RNF24: variants seen among roughly 807,000 people sequenced by gnomAD.
RNF24 encodes ring finger protein 24.
In RNF24, 14 loss-of-function variants were observed where a neutral mutation model predicts 20.0. The observed-to-expected ratio is 0.70, with a 90% confidence interval of 0.46 to 1.10. The LOEUF is 1.10. Ranked by LOEUF, RNF24 falls within the 50% of genes least tolerant of loss-of-function variation. The probability of loss-of-function intolerance (pLI) is 0.00; values close to 1 mark genes in which losing one functional copy is unlikely to be tolerated. For missense variants in RNF24, 124 were observed against 177.6 expected (o/e 0.70, Z 1.71); for synonymous variants, 45 against 61.1 (o/e 0.74, Z 1.23).
At chr20:3,990,362 T>C (rs1341344109) in intron 1 of RNF24, among the ~76,000 whole-genome samples, 2 of 152,156 alleles carry the variant, frequency 1.3e-5, no homozygotes, top group African/African-American at 4.8e-5. Flanking sequence ...AGCAAAATTA[T>C]ACATGCACTT....
At position 3,927,580 on chromosome 20, in the gene RNF24, A is replaced by G. The variant is rs2090741918; in HGVS notation, c.*6483T>C. The G allele has an allele frequency of 6.6e-6, 1 of 152,172 alleles. No individual in the cohort carries two copies. Among genetic ancestry groups the G allele is most frequent in the Non-Finnish European group, 1.5e-5 (1 of 68,024 alleles). 9.4% of individuals were successfully genotyped at this position (152,172 alleles called of 1,614,324 possible). On this transcript the variant is annotated 3_prime_UTR_variant, in exon 6 of 6. Transcript: ENST00000358395. Reference sequence around the variant, plus strand: ...AGTGAGGAAACCCGAGGGCCAAACTACAAGACGAAAAAGTGCCCCGTTCCT... The same window carrying G: ...AGTGAGGAAACCCGAGGGCCAAACTGCAAGACGAAAAAGTGCCCCGTTCCT...
At chr20:3,953,489 G>A (rs2091106086) in intron 2 of RNF24, among the ~76,000 whole-genome samples, 1 of 144,734 alleles carries the variant, frequency 6.9e-6, no homozygotes, top group Non-Finnish European at 1.5e-5. Context: ...TTTTGAGACG[G>A]AGTCTTGCTC....
At chr20:3,976,051 T>G (rs1174895031) in intron 1 of RNF24, among the ~76,000 whole-genome samples, 2 of 152,312 alleles carry the variant, frequency 1.3e-5, no homozygotes, top group East Asian at 3.9e-4. Flanking sequence ...CTTCCCAAAG[T>G]GTTGGGATTA....
Position 3,928,068 on chromosome 20 carries a change from T to C in RNF24, c.*5995A>G, listed in dbSNP as rs1378603236. On this transcript the variant is annotated 3_prime_UTR_variant, in exon 6 of 6. Coordinates refer to ENST00000358395, the MANE Select transcript of RNF24 (RefSeq NM_001134337.3). ...AGCACATGGGGATCCCTTATTAATC[T>C]TTACTAAAGAACCGTGAACCAGCAT... is the stretch of plus-strand genomic sequence containing the variant. The C allele has an allele frequency of 6.6e-6, 1 of 152,180 alleles. No individual in the cohort carries two copies. The highest frequency in any genetic ancestry group is 2.4e-5 in the African/African-American group (1 of 41,448). 9.4% of individuals were successfully genotyped at this position (152,180 alleles called of 1,614,324 possible).
chr20:3,936,071 T>C (rs1035577425), intron 4 of RNF24, among the ~76,000 whole-genome samples: 3 of 152,234 alleles, frequency 2.0e-5, no homozygotes, highest in African/African-American at 7.2e-5. Context: ...CCAGTCTTCT[T>C]AGATTATGTA....
At chr20:3,959,657 C>CA (rs1471054238) in intron 2 of RNF24, among the ~76,000 whole-genome samples, 2 of 152,074 alleles carry the variant, frequency 1.3e-5, no homozygotes, top group Non-Finnish European at 2.9e-5. Flanking sequence ...GGGTTAATAA[C>CA]AAAAAATCAG....
Position 3,934,271 on chromosome 20 carries a change from T to C in RNF24, c.309-70A>G, listed in dbSNP as rs1173958518. The C allele has an allele frequency of 6.8e-7, 1 of 1,480,274 alleles. No individual in the cohort carries two copies. The highest frequency in any genetic ancestry group is 2.0e-5 in the Admixed American group (1 of 50,818). 91.7% of individuals were successfully genotyped at this position (1,480,274 alleles called of 1,614,324 possible). A position where few individuals can be genotyped will look rare whatever the true frequency, so the allele number is the denominator to read the frequency against. ...CATGGCACGGCTGTTCTGCTGAACA[T>C]CTCCATATCTGTCACCCAGACAACG... On this transcript the variant is annotated intron_variant, in intron 5 of 5. Coordinates refer to ENST00000358395, the MANE Select transcript of RNF24 (RefSeq NM_001134337.3). This position sits in a 1 kb window ranked among gnomAD's most constrained non-coding sequence, Gnocchi z 4.0.
chr20:3,945,250 A>C, intron 3 of RNF24, 32 bp from the exon 4 acceptor site: 1 of 1,549,586 alleles, frequency 6.5e-7, no homozygotes, highest in Non-Finnish European at 8.7e-7. Flanking sequence ...TCTTATGCCC[A>C]TTTAAATCTG....
intron 1 of RNF24, among the ~76,000 whole-genome samples, chr20:3,977,844 AC>A (rs1979011470): frequency 6.8e-6 from 1 of 147,834 alleles, no homozygotes; most frequent in Non-Finnish European, 1.5e-5. Context: ...AGCCTGGGCG[AC>A]ACAGCGAGAC....
At chr20:3,971,155 G>T (rs1271061668) in intron 1 of RNF24, among the ~76,000 whole-genome samples, 1 of 152,066 alleles carries the variant, frequency 6.6e-6, no homozygotes, top group Non-Finnish European at 1.5e-5. Context: ...ACCATTGGGG[G>T]AAATAATATG....
intron 3 of RNF24, among the ~76,000 whole-genome samples, 199 bp downstream of exon 3, chr20:3,948,038 C>T (rs531393118): frequency 6.7e-6 from 1 of 149,962 alleles, no homozygotes; most frequent in East Asian, 1.9e-4. Flanking sequence ...AAGAGCGAAA[C>T]TCCGTCTCAA....
At chr20:3,963,611 T>C (rs1568632769) in intron 2 of RNF24, among the ~76,000 whole-genome samples, 1 of 152,232 alleles carries the variant, frequency 6.6e-6, no homozygotes, top group Non-Finnish European at 1.5e-5. Context: ...GACATACGTG[T>C]ATCTGTTTAC....
intron 1 of RNF24, among the ~76,000 whole-genome samples, chr20:3,965,095 G>GT (rs1362896853): frequency 1.3e-5 from 2 of 152,152 alleles, no homozygotes; most frequent in African/African-American, 4.8e-5. Context: ...TGCCTCTCCT[G>GT]TAAGTGATAA....
chr20:3,998,687 C>T (rs527597523), intron 1 of RNF24, among the ~76,000 whole-genome samples: 1 of 144,388 alleles, frequency 6.9e-6, no homozygotes, highest in Admixed American at 7.1e-5. Context: ...ACCCAGGAGG[C>T]GGTGGTTGCA....
At chr20:3,966,388 A>C (rs2091258269) in intron 1 of RNF24, among the ~76,000 whole-genome samples, 1 of 151,942 alleles carries the variant, frequency 6.6e-6, no homozygotes. Flanking sequence ...AACAACTTTA[A>C]GGAATTCCTG....
At chr20:3,993,951 C>A (rs1472093275) in intron 1 of RNF24, among the ~76,000 whole-genome samples, 1 of 152,178 alleles carries the variant, frequency 6.6e-6, no homozygotes, top group Admixed American at 6.5e-5. Context: ...GACAGGAAAT[C>A]AACAGATATA....
chr20:3,973,718 T>C (rs1193853271), intron 1 of RNF24, among the ~76,000 whole-genome samples: 1 of 151,922 alleles, frequency 6.6e-6, no homozygotes, highest in Non-Finnish European at 1.5e-5. Flanking sequence ...ATGTGAACAG[T>C]TTTATAACTA....
At chr20:4,000,382 A>C (rs1981291824) in intron 1 of RNF24, among the ~76,000 whole-genome samples, 1 of 151,984 alleles carries the variant, frequency 6.6e-6, no homozygotes, top group South Asian at 2.1e-4. Context: ...AAAATTAGCC[A>C]GGTGTGGTGG....
At position 3,927,721 on chromosome 20, in the gene RNF24, C is replaced by T. The variant is rs2090744997; in HGVS notation, c.*6342G>A. ...CACACCTGCTCCCCCGACCGGGGGCCTGGGAGGGAAGGGCAGATGGAGAGG... is the reference window on the plus strand; with the variant it reads ...CACACCTGCTCCCCCGACCGGGGGCTTGGGAGGGAAGGGCAGATGGAGAGG... On this transcript the variant is annotated 3_prime_UTR_variant, in exon 6 of 6. Coordinates refer to ENST00000358395, the MANE Select transcript of RNF24 (RefSeq NM_001134337.3). 1 of 152,270 alleles carries T rather than the reference C, an allele frequency of 6.6e-6. No homozygotes were observed. The highest frequency in any genetic ancestry group is 2.4e-5 in the African/African-American group (1 of 41,456). 9.4% of individuals were successfully genotyped at this position (152,270 alleles called of 1,614,324 possible).
Sources: gnomAD v4.1 joint callset for allele counts (sites outside exome capture counted in the v4.1 genomes callset) on GRCh38, gnomAD v4.1.1 for gene constraint, Gnocchi (gnomAD v3.1) non-coding constraint, MANE v1.5 for transcripts, NCBI Gene and HGNC (gene_info 2026-07-23, HGNC 2026-07-21) for gene names.